The following PRKAG2 variants were observed in gnomAD, a reference collection of about 807,000 sequenced individuals.
PRKAG2 encodes 5'-AMP-activated protein kinase subunit gamma-2.
PRKAG2 carries 26 observed loss-of-function variants against 69.6 expected under a neutral mutation model. The observed-to-expected ratio is 0.37, with a 90% confidence interval of 0.27 to 0.52. PRKAG2 has a LOEUF of 0.52. PRKAG2 is among the 20% of genes least tolerant of loss of function. The pLI, the probability that PRKAG2 is intolerant of heterozygous loss-of-function variation, is 0.90. For synonymous variants in PRKAG2, 293 were observed against 285.0 expected (o/e 1.03, Z -0.28); for missense variants, 557 against 740.0 (o/e 0.75, Z 2.87).
intron 4 of PRKAG2, among the ~76,000 whole-genome samples, chr7:151,666,718 C>T (rs1447611803): frequency 6.6e-6 from 1 of 152,178 alleles, no homozygotes; most frequent in Non-Finnish European, 1.5e-5. Flanking sequence ...TGGCAAGGGG[C>T]CGTAGTTCCT....
intron 1 of PRKAG2, among the ~76,000 whole-genome samples, chr7:151,844,868 T>C (rs2079393246): frequency 6.6e-6 from 1 of 151,788 alleles, no homozygotes; most frequent in African/African-American, 2.4e-5. Context: ...TGTTGTCACA[T>C]ACATATATTC....
chr7:151,766,177 C>T (rs2075722586), intron 3 of PRKAG2, among the ~76,000 whole-genome samples: 2 of 152,246 alleles, frequency 1.3e-5, no homozygotes, highest in South Asian at 4.1e-4. Context: ...AGAGGTGTCA[C>T]TGTAACTTCT....
chr7:151,855,041 C>CCACCCTCT, intron 1 of PRKAG2, among the ~76,000 whole-genome samples: 1 of 69,958 alleles, frequency 1.4e-5, no homozygotes, highest in African/African-American at 6.2e-5. Context: ...GCTCCACACA[C>CCACCCTCT]ACCGCCCTCC....
At chr7:151,674,582 G>C (rs1436707905) in intron 4 of PRKAG2, among the ~76,000 whole-genome samples, 1 of 152,178 alleles carries the variant, frequency 6.6e-6, no homozygotes, top group Non-Finnish European at 1.5e-5. Context: ...GAGTGCTTAA[G>C]TGCTTAGTGA....
At chr7:151,775,799 C>G (rs1337597419) in intron 3 of PRKAG2, among the ~76,000 whole-genome samples, 1 of 152,194 alleles carries the variant, frequency 6.6e-6, no homozygotes, top group East Asian at 1.9e-4. Context: ...CCAGTGGACA[C>G]AGTGGCTTTC....
chr7:151,639,451 G>A (rs866274517), intron 4 of PRKAG2, among the ~76,000 whole-genome samples: 4 of 152,190 alleles, frequency 2.6e-5, no homozygotes, highest in African/African-American at 4.8e-5. Flanking sequence ...GGGTGTGTCC[G>A]TGCAGGAGTT....
intron 5 of PRKAG2, among the ~76,000 whole-genome samples, chr7:151,617,266 A>AGGGAG (rs1820365253): frequency 2.1e-5 from 2 of 96,298 alleles, no homozygotes; most frequent in South Asian, 4.8e-4. Flanking sequence ...GAGCGAGGGA[A>AGGGAG]GGAGGGAGGG....
At position 151,854,976 on chromosome 7, in the gene PRKAG2, A is replaced by AC. The variant is rs1167118618; in HGVS notation, c.114+21530dup. 5.4e-4 allele frequency among the ~76,000 whole-genome samples: 17 copies of AC among 31,288 alleles called. 1 individual carries two copies. Among genetic ancestry groups the AC allele is most frequent in the South Asian group, 2.7e-3 (3 of 1,132 alleles). 20.5% of individuals were successfully genotyped at this position (31,288 alleles called of 152,430 possible). On this transcript the variant is annotated intron_variant, in intron 1 of 15. Coordinates refer to ENST00000287878, the MANE Select transcript of PRKAG2 (RefSeq NM_016203.4). ...ACTCTCCACATACCACCCTCCACAC[A>AC]CACCATGCTCCACACACACCATGCT...
intron 1 of PRKAG2, among the ~76,000 whole-genome samples, chr7:151,874,714 C>T (rs1374450215): frequency 6.6e-6 from 1 of 152,100 alleles, no homozygotes; most frequent in Non-Finnish European, 1.5e-5. Flanking sequence ...GGTAAAACCT[C>T]ATGTCTACAA....
Position 151,874,661 on chromosome 7 carries a change from G to A in PRKAG2, c.114+1846C>T, listed in dbSNP as rs566010048. On this transcript the variant is annotated intron_variant, in intron 1 of 15. Coordinates refer to ENST00000287878, the MANE Select transcript of PRKAG2 (RefSeq NM_016203.4). Reference sequence around the variant, plus strand: ...GCACTTTGAGAGGTCAAGGTGGGCGGGTCACTCGAGCCCAGCTCATGTGGA... The same window carrying A: ...GCACTTTGAGAGGTCAAGGTGGGCGAGTCACTCGAGCCCAGCTCATGTGGA... Among the ~76,000 whole-genome samples, 5 of 152,254 alleles carry A rather than the reference G, an allele frequency of 3.3e-5. No individual in the cohort carries two copies. The East Asian group carries it at 9.6e-4, about 29-fold the overall frequency.
chr7:151,596,748 A>G (rs542123947), intron 5 of PRKAG2, among the ~76,000 whole-genome samples: 18 of 147,328 alleles, frequency 1.2e-4, no homozygotes, highest in Non-Finnish European at 2.7e-4. Context: ...GACTGTCAAA[A>G]AAATAAATAA....
intron 3 of PRKAG2, among the ~76,000 whole-genome samples, chr7:151,685,587 A>T (rs1359600896): frequency 6.6e-6 from 1 of 152,052 alleles, no homozygotes; most frequent in Non-Finnish European, 1.5e-5. Flanking sequence ...TGGGCAACAT[A>T]GTGAGACCCC....
chr7:151,569,143 G>A (rs1038265255), intron 10 of PRKAG2, among the ~76,000 whole-genome samples: 2 of 152,012 alleles, frequency 1.3e-5, no homozygotes, highest in African/African-American at 2.4e-5. Flanking sequence ...TTGACCTCCC[G>A]GGCTCAGGTG....
At chr7:151,734,753 G>A (rs1001631499) in intron 3 of PRKAG2, among the ~76,000 whole-genome samples, 2 of 150,868 alleles carry the variant, frequency 1.3e-5, no homozygotes, top group Non-Finnish European at 2.9e-5. Flanking sequence ...GTCTCATTAT[G>A]TTGCCCAGGC....
intron 3 of PRKAG2, among the ~76,000 whole-genome samples, chr7:151,758,184 C>T (rs2075215511): frequency 6.6e-6 from 1 of 152,008 alleles, no homozygotes; most frequent in South Asian, 2.1e-4. Context: ...TCCCAATGTC[C>T]AGCAGGGCTG....
At chr7:151,740,269 A>G (rs2073786657) in intron 3 of PRKAG2, among the ~76,000 whole-genome samples, 1 of 152,192 alleles carries the variant, frequency 6.6e-6, no homozygotes, top group South Asian at 2.1e-4. Context: ...AGCTCCCTAC[A>G]TCCCTGCAGG....
intron 3 of PRKAG2, among the ~76,000 whole-genome samples, chr7:151,763,132 C>T (rs1485311573): frequency 6.6e-6 from 1 of 152,376 alleles, no homozygotes; most frequent in South Asian, 2.1e-4. Flanking sequence ...CATCCCCTCG[C>T]TACCAGCTCG....
At chr7:151,718,336 C>T (rs1057475856) in intron 3 of PRKAG2, among the ~76,000 whole-genome samples, 7 of 152,038 alleles carry the variant, frequency 4.6e-5, no homozygotes, top group African/African-American at 1.7e-4. Flanking sequence ...GCTTACAGCC[C>T]CACCCTTATG....
chr7:151,581,424 A>T (rs1311673621), intron 6 of PRKAG2, among the ~76,000 whole-genome samples: 1 of 152,224 alleles, frequency 6.6e-6, no homozygotes, highest in Non-Finnish European at 1.5e-5. Context: ...AATGGATCTA[A>T]ACCATAGATG....
Sources: gnomAD v4.1 joint callset for allele counts (sites outside exome capture counted in the v4.1 genomes callset) on GRCh38, gnomAD v4.1.1 for gene constraint, MANE v1.5 for transcripts, NCBI Gene and HGNC (gene_info 2026-07-23, HGNC 2026-07-21) for gene names.